The following SV2C variants were observed in gnomAD, a reference collection of about 807,000 sequenced individuals.
SV2C encodes synaptic vesicle glycoprotein 2C.
SV2C carries 49 observed loss-of-function variants against 79.7 expected under a neutral mutation model. That is an observed-to-expected ratio of 0.61 (90% CI 0.49 to 0.78). The LOEUF is 0.78. Among genes scored for constraint, SV2C ranks in the 30% least tolerant of loss-of-function variants. SV2C has a pLI of 0.00. For missense variants in SV2C, 833 were observed against 912.9 expected, an observed-to-expected ratio of 0.91 and a Z score of 1.13; for synonymous variants, 334 against 333.2, an observed-to-expected ratio of 1.00 and a Z score of -0.03.
At chr5:76,062,007 A>T in the SV2C span, among the ~76,000 whole-genome samples, 3 of 151,972 alleles carry the variant, frequency 2.0e-5, no homozygotes, top group Non-Finnish European at 2.9e-5. Flanking sequence ...AGCTGAAATG[A>T]TTCCATTTTT....
At chr5:76,161,948 T>G (rs1052011493) in intron 2 of SV2C, among the ~76,000 whole-genome samples, 1 of 152,192 alleles carries the variant, frequency 6.6e-6, no homozygotes, top group African/African-American at 2.4e-5. Context: ...TATCACCTAG[T>G]TCTCCAGTTT....
chr5:76,167,148 C>G (rs1348806227), intron 2 of SV2C, among the ~76,000 whole-genome samples: 3 of 152,200 alleles, frequency 2.0e-5, no homozygotes, highest in African/African-American at 7.2e-5. Flanking sequence ...TGACAATAAA[C>G]AACAGTAACA....
At chr5:75,896,906 G>C in the SV2C span, among the ~76,000 whole-genome samples, 1 of 146,524 alleles carries the variant, frequency 6.8e-6, no homozygotes. Context: ...CCCACTTTTT[G>C]ATGGGGTTGT....
At chr5:76,117,970 G>C (rs1748334186) in intron 1 of SV2C, among the ~76,000 whole-genome samples, 1 of 152,286 alleles carries the variant, frequency 6.6e-6, no homozygotes, top group Middle Eastern at 3.4e-3. Flanking sequence ...TATGACCAAA[G>C]AGTTTATATC....
chr5:75,890,464 C>T, the SV2C span, among the ~76,000 whole-genome samples: 1 of 152,110 alleles, frequency 6.6e-6, no homozygotes, highest in Non-Finnish European at 1.5e-5. Flanking sequence ...TACCTGCATA[C>T]AATCCCAAAT....
chr5:75,971,698 A>G, the SV2C span, among the ~76,000 whole-genome samples: 1 of 152,178 alleles, frequency 6.6e-6, no homozygotes, highest in East Asian at 1.9e-4. Context: ...ATGCAAGAAC[A>G]TTCCAAGCTC....
In SV2C at chr5:76,131,723, C is replaced by A; in HGVS notation, c.-28C>A. 6.5e-7 allele frequency: 1 copy of A among 1,549,856 alleles called. No individual in the cohort carries two copies. Among genetic ancestry groups the A allele is most frequent in the Non-Finnish European group, 8.7e-7 (1 of 1,145,112 alleles). ...AAAGGAGGCTGTGAAAATTTCCCAT[C>A]TTCTCATTGGCCATCAGTTGAGATA... On this transcript the variant is annotated 5_prime_UTR_variant, in exon 2 of 13. Transcript: ENST00000502798.
the SV2C span, among the ~76,000 whole-genome samples, chr5:76,017,421 G>A: frequency 1.1e-4 from 16 of 152,060 alleles, no homozygotes; most frequent in African/African-American, 3.6e-4. Flanking sequence ...CAAGCAGCTG[G>A]GACTACATGT....
At chr5:76,249,854 T>C (rs1241399008) in intron 4 of SV2C, among the ~76,000 whole-genome samples, 1 of 152,212 alleles carries the variant, frequency 6.6e-6, no homozygotes, top group Non-Finnish European at 1.5e-5. Flanking sequence ...CCATGGGGTA[T>C]ATAAATCTTC....
chr5:75,981,405 G>T, the SV2C span, among the ~76,000 whole-genome samples: 1 of 152,140 alleles, frequency 6.6e-6, no homozygotes, highest in Admixed American at 6.6e-5. Context: ...AGCCTGAGTA[G>T]CCAAGGCAAT....
In SV2C at chr5:76,136,892, T is replaced by C. The variant is rs536774912; in HGVS notation, c.580+4562T>C. On this transcript the variant is annotated intron_variant, in intron 2 of 12. Transcript: ENST00000502798. ...GTAGTGTTGGAGCTGACAGGTCACA[T>C]TGTGGATATATTGTGAAGACCTTAA... Among the ~76,000 whole-genome samples the C allele has an allele frequency of 1.6e-4, 25 of 152,276 alleles. No individual in the cohort carries two copies. In the South Asian group the frequency reaches 5.0e-3, roughly 30 times the overall value.
chr5:76,020,121 A>G, the SV2C span, among the ~76,000 whole-genome samples: 4 of 152,154 alleles, frequency 2.6e-5, no homozygotes, highest in Non-Finnish European at 5.9e-5. Flanking sequence ...TCGAGTCCCC[A>G]AGCTTGCATT....
At chr5:75,975,941 G>A in the SV2C span, among the ~76,000 whole-genome samples, 10 of 152,138 alleles carry the variant, frequency 6.6e-5, no homozygotes, top group Admixed American at 1.3e-4. Context: ...AAAGAGTTTT[G>A]TATCATTAGC....
chr5:76,264,279 C>A (rs1746574976), intron 4 of SV2C, among the ~76,000 whole-genome samples: 1 of 151,904 alleles, frequency 6.6e-6, no homozygotes. Context: ...TTTTCAGCTC[C>A]AACAGGCCAT....
At chr5:76,131,302 G>T (rs1189449352) in intron 1 of SV2C, among the ~76,000 whole-genome samples, 1 of 152,252 alleles carries the variant, frequency 6.6e-6, no homozygotes, top group East Asian at 1.9e-4. Flanking sequence ...CAAGGTATAT[G>T]CTTGTAGCAT....
chr5:76,330,451 C>T lies in SV2C; in HGVS notation c.*4904C>T, dbSNP rs950298480. On this transcript the variant is annotated 3_prime_UTR_variant, in exon 13 of 13. Coordinates refer to ENST00000502798, the MANE Select transcript of SV2C (RefSeq NM_014979.4). ...CTCCCATGTGATACGTATTGAGACA[C>T]TGCTGTGTGCAATAATTAAGCCTAT... is the stretch of plus-strand genomic sequence containing the variant. 2 of 152,052 alleles carry T rather than the reference C, an allele frequency of 1.3e-5. No individual in the cohort carries two copies. Among genetic ancestry groups the T allele is most frequent in the African/African-American group, 2.4e-5 (1 of 41,386 alleles). 9.4% of individuals were successfully genotyped at this position (152,052 alleles called of 1,614,324 possible).
the SV2C span, among the ~76,000 whole-genome samples, chr5:75,998,052 C>G: frequency 1.3e-5 from 2 of 152,038 alleles, no homozygotes; most frequent in Admixed American, 1.3e-4. Context: ...GGACATGGAT[C>G]AAGCTGCAAA....
intron 1 of SV2C, among the ~76,000 whole-genome samples, chr5:76,105,354 G>C (rs964915827): frequency 6.6e-6 from 1 of 152,072 alleles, no homozygotes; most frequent in Non-Finnish European, 1.5e-5. Context: ...GTAATTTGTG[G>C]GGCAGCCTTA....
At chr5:76,060,953 T>A in the SV2C span, among the ~76,000 whole-genome samples, 1 of 151,984 alleles carries the variant, frequency 6.6e-6, no homozygotes, top group Non-Finnish European at 1.5e-5. Flanking sequence ...AATATTTTCA[T>A]GTCCCTGGAA....
Sources: gnomAD v4.1 joint callset for allele counts (sites outside exome capture counted in the v4.1 genomes callset) on GRCh38, gnomAD v4.1.1 for gene constraint, MANE v1.5 for transcripts, NCBI Gene and HGNC (gene_info 2026-07-23, HGNC 2026-07-21) for gene names.